Variants in IFNL1 observed in about 807,000 individuals in gnomAD.
IFNL1 encodes interferon lambda-1.
Under a neutral mutation model 17.1 loss-of-function variants are expected in IFNL1, and 16 were observed. That is an observed-to-expected ratio of 0.93 (90% CI 0.63 to 1.42). The LOEUF is 1.42. IFNL1 is among the 40% of genes most tolerant of loss of function. The pLI, the probability that IFNL1 is intolerant of heterozygous loss-of-function variation, is 0.00. For synonymous variants in IFNL1, 104 were observed against 111.4 expected (o/e 0.93, Z 0.42); for missense variants, 262 against 249.4 (o/e 1.05, Z -0.34).
At position 39,298,389 on chromosome 19, in the gene IFNL1, A is replaced by G. The variant is rs958797421; in HGVS notation, c.478-2A>G. ...CCTGACCCATCCCCTCCTCCCCTACAGGAGTCCGCTGGCTGCCTGGAGGCA... is the reference window on the plus strand; with the variant it reads ...CCTGACCCATCCCCTCCTCCCCTACGGGAGTCCGCTGGCTGCCTGGAGGCA... On this transcript the variant is annotated splice_acceptor_variant, in intron 4 of 4. Transcript: ENST00000333625. LOFTEE classifies it high-confidence loss of function. 1 of 1,614,056 alleles carries G rather than the reference A, an allele frequency of 6.2e-7. No homozygotes were observed. The highest frequency in any genetic ancestry group is 1.3e-5 in the African/African-American group (1 of 74,930).
intron 2 of IFNL1, among the ~76,000 whole-genome samples, chr19:39,297,562 C>T (rs1161141250): frequency 6.6e-6 from 1 of 151,966 alleles, no homozygotes; most frequent in Non-Finnish European, 1.5e-5. Context: ...TCAGGTGATC[C>T]ACCCGCCTCG....
chr19:39,298,292 A>G lies in IFNL1; in HGVS notation c.473A>G (p.Lys158Arg), dbSNP rs2075106884. 6.2e-7 allele frequency: 1 copy of G among 1,613,952 alleles called. No homozygotes were observed. The highest frequency in any genetic ancestry group is 1.7e-5 in the Admixed American group (1 of 60,008). The change falls in exon 4 of 5, where the codon AAA becomes AGA. Residue 158 changes from lysine (K) to arginine (R), a missense_variant. Coordinates refer to ENST00000333625, the MANE Select transcript of IFNL1 (RefSeq NM_172140.2). Reference protein sequence around the residue: ...HWLHRLQEAPKKESAGCLEAS... With the variant: ...HWLHRLQEAPRKESAGCLEAS... ...CTGCACCGGCTCCAGGAGGCCCCCA[A>G]AAAGGTGAGTGACCCAGGAAGAGAA... is the stretch of plus-strand genomic sequence containing the variant.
chr19:39,296,532 C>T lies in IFNL1; in HGVS notation c.111C>T (p.Gly37=), dbSNP rs756396640. The change falls in exon 1 of 5, where the codon GGC becomes GGT. Residue 37 remains glycine, a synonymous_variant. Transcript: ENST00000333625. The stretch of plus-strand genomic sequence containing the variant: ...CAACTGGGAAGGGCTGCCACATTGG[C>T]AGGTTCAAATCTCTGTCACCACAGG... ...PTTTGKGCHI[G]RFKSLSPQEL... 6.2e-7 allele frequency: 1 copy of T among 1,613,920 alleles called. No individual in the cohort carries two copies. The highest frequency in any genetic ancestry group is 8.5e-7 in the Non-Finnish European group (1 of 1,180,004).
At position 39,298,203 on chromosome 19, in the gene IFNL1, CT is replaced by C. The variant is rs2075106321; in HGVS notation, c.394-9del. 1 of 1,613,918 alleles carries C rather than the reference CT, an allele frequency of 6.2e-7. No homozygotes were observed. Among genetic ancestry groups the C allele is most frequent in the African/African-American group, 1.3e-5 (1 of 74,950 alleles). On this transcript the variant is annotated splice_polypyrimidine_tract_variant and intron_variant, in intron 3 of 4. Coordinates refer to ENST00000333625, the MANE Select transcript of IFNL1 (RefSeq NM_172140.2). ...GCTCCGCCTCACACACCGCCCTCTT[CT>C]GCCCACAGATCCAGCCTCAGCCCAC...
At position 39,298,273 on chromosome 19, in the gene IFNL1, C is replaced by T. The variant is rs147395671; in HGVS notation, c.454C>T (p.Arg152Trp). 5.5e-4 allele frequency: 890 copies of T among 1,614,144 alleles called. No homozygotes were observed. The highest frequency in any genetic ancestry group is 6.9e-4 in the Non-Finnish European group (809 of 1,180,004). Reference protein sequence around the residue: ...PRGRLHHWLHRLQEAPKKESA... With the variant: ...PRGRLHHWLHWLQEAPKKESA... ...GGGCCGCCTCCACCACTGGCTGCAC[C>T]GGCTCCAGGAGGCCCCCAAAAAGGT... Residue 152 changes from arginine (R) to tryptophan (W), a missense_variant, in exon 4 of 5, where the codon CGG (arginine) becomes TGG (tryptophan). By Grantham distance (101) the Arg-to-Trp change is moderately radical. Coordinates refer to ENST00000333625, the MANE Select transcript of IFNL1 (RefSeq NM_172140.2).
In IFNL1 at chr19:39,298,654, T is replaced by G; in HGVS notation, c.*138T>G. 9.2e-7 allele frequency: 1 copy of G among 1,085,090 alleles called. No individual in the cohort carries two copies. Among genetic ancestry groups the G allele is most frequent in the South Asian group, 1.5e-5 (1 of 66,984 alleles). The allele number at this position is 1,085,090 out of a possible 1,614,324, so 67.2% of individuals were successfully genotyped here. A position where few individuals can be genotyped will look rare whatever the true frequency, so the allele number is the denominator to read the frequency against. ...TTTACTTTTATACATTATGCACAAA[T>G]AAACAACAAGGAATTGGAACCTTCT... On this transcript the variant is annotated 3_prime_UTR_variant, in exon 5 of 5. Transcript: ENST00000333625.
At chr19:39,298,166 G>A (rs774892150) in intron 3 of IFNL1, 47 bp from the exon 4 acceptor site, 1 of 1,613,434 alleles carries the variant, frequency 6.2e-7, no homozygotes, top group East Asian at 2.2e-5. Context: ...TCCTTCCCCT[G>A]TGGTGGCCCA....
intron 4 of IFNL1, 32 bp from the exon 5 acceptor site, chr19:39,298,359 C>G (rs572711490): frequency 6.2e-7 from 1 of 1,613,984 alleles, no homozygotes; most frequent in Non-Finnish European, 8.5e-7. Flanking sequence ...AGACCCTGGA[C>G]AGCCCCTGAC....
At position 39,296,900 on chromosome 19, in the gene IFNL1, C is replaced by A. The variant is rs745697532; in HGVS notation, c.249+18C>A. Reference sequence around the variant, plus strand: ...TTCTCCAGGTGAGCTGAAAGTCAGGCCCCCTTCACCCTTCCCTTGACCCTC... The same window carrying A: ...TTCTCCAGGTGAGCTGAAAGTCAGGACCCCTTCACCCTTCCCTTGACCCTC... On this transcript the variant is annotated intron_variant, in intron 2 of 4. Coordinates refer to ENST00000333625, the MANE Select transcript of IFNL1 (RefSeq NM_172140.2). 6 of 1,581,932 alleles carry A rather than the reference C, an allele frequency of 3.8e-6. No homozygotes were observed. Among genetic ancestry groups the A allele is most frequent in the East Asian group, 2.2e-5 (1 of 44,662 alleles).
chr19:39,297,839 G>A, intron 2 of IFNL1, 125 bp from the exon 3 acceptor site: 1 of 1,193,666 alleles, frequency 8.4e-7, no homozygotes, highest in Admixed American at 2.0e-5. Context: ...CTTCTCCCCA[G>A]ACCCCTCACC....
chr19:39,296,530 G>A lies in IFNL1; in HGVS notation c.109G>A (p.Gly37Ser). The change falls in exon 1 of 5, where the codon GGC (glycine) becomes AGC (serine). Residue 37 changes from glycine to serine, a missense_variant. Transcript: ENST00000333625. ...CACAACTGGGAAGGGCTGCCACATTGGCAGGTTCAAATCTCTGTCACCACA... is the reference window on the plus strand; with the variant it reads ...CACAACTGGGAAGGGCTGCCACATTAGCAGGTTCAAATCTCTGTCACCACA... The part of the protein sequence containing the change: ...PTTTGKGCHI[G>S]RFKSLSPQEL... 1 of 1,613,882 alleles carries A rather than the reference G, an allele frequency of 6.2e-7. No individual in the cohort carries two copies. Among genetic ancestry groups the A allele is most frequent in the Non-Finnish European group, 8.5e-7 (1 of 1,180,000 alleles).
In IFNL1 at chr19:39,298,446, C is replaced by T. The variant is rs369965543; in HGVS notation, c.533C>T (p.Thr178Met). ...ACCTTCAACCTCTTCCGCCTCCTCACGCGAGACCTCAAATATGTGGCCGAT... is the reference window on the plus strand; with the variant it reads ...ACCTTCAACCTCTTCCGCCTCCTCATGCGAGACCTCAAATATGTGGCCGAT... ...SVTFNLFRLLTRDLKYVADGN... is the reference protein window; with the variant it reads ...SVTFNLFRLLMRDLKYVADGN... The change falls in exon 5 of 5, where the codon ACG becomes ATG. Residue 178 changes from threonine to methionine, a missense_variant. Coordinates refer to ENST00000333625, the MANE Select transcript of IFNL1 (RefSeq NM_172140.2). 5.6e-6 allele frequency: 9 copies of T among 1,614,228 alleles called. No homozygotes were observed. Among genetic ancestry groups the T allele is most frequent in the African/African-American group, 1.3e-5 (1 of 75,054 alleles).
chr19:39,297,531 CT>C (rs1245796314), intron 2 of IFNL1, among the ~76,000 whole-genome samples: 7 of 151,876 alleles, frequency 4.6e-5, no homozygotes, highest in Admixed American at 3.3e-4. Context: ...GTTGGCCAGG[CT>C]TGGTCTCGAA....
Position 39,298,036 on chromosome 19 carries a change from C to T in IFNL1, c.322C>T (p.Pro108Ser), listed in dbSNP as rs137882937. Residue 108 changes from proline (P) to serine (S), a missense_variant, in exon 3 of 5, where the codon CCA becomes TCA. By Grantham distance (74) the Pro-to-Ser change is moderately conservative. Transcript: ENST00000333625. ...TLKVLEAAAG[P>S]ALEDVLDQPL... ...GAAGGTCCTGGAGGCCGCTGCTGGC[C>T]CAGCCCTGGAGGACGTCCTAGACCA... The T allele has an allele frequency of 3.3e-5, 54 of 1,614,196 alleles. No homozygotes were observed. In the African/African-American group the frequency reaches 6.5e-4, roughly 20 times the overall value.
In IFNL1 at chr19:39,298,003, C is replaced by G; in HGVS notation, c.289C>G (p.Leu97Val). ...RPVALEAELA[L>V]TLKVLEAAAG... ...TGTGGCCTTGGAGGCTGAGCTGGCC[C>G]TGACGCTGAAGGTCCTGGAGGCCGC... Residue 97 changes from leucine (L) to valine (V), a missense_variant, in exon 3 of 5, where the codon CTG becomes GTG. Coordinates refer to ENST00000333625, the MANE Select transcript of IFNL1 (RefSeq NM_172140.2). 1 of 1,614,204 alleles carries G rather than the reference C, an allele frequency of 6.2e-7. No individual in the cohort carries two copies. Among genetic ancestry groups the G allele is most frequent in the Non-Finnish European group, 8.5e-7 (1 of 1,180,036 alleles).
chr19:39,297,456 T>C (rs1288623517), intron 2 of IFNL1, among the ~76,000 whole-genome samples: 1 of 151,870 alleles, frequency 6.6e-6, no homozygotes, highest in East Asian at 1.9e-4. Flanking sequence ...GTAGCTGGGA[T>C]TACAGGCATG....
In IFNL1 at chr19:39,298,194, C is replaced by T. The variant is rs764995201; in HGVS notation, c.394-19C>T. The T allele has an allele frequency of 8.1e-6, 13 of 1,613,762 alleles. No homozygotes were observed. Among genetic ancestry groups the T allele is most frequent in the Middle Eastern group, 1.7e-4 (1 of 6,060 alleles). On this transcript the variant is annotated intron_variant, in intron 3 of 4. Coordinates refer to ENST00000333625, the MANE Select transcript of IFNL1 (RefSeq NM_172140.2). Reference sequence around the variant, plus strand: ...GTGGCCCAGGCTCCGCCTCACACACCGCCCTCTTCTGCCCACAGATCCAGC... The same window carrying T: ...GTGGCCCAGGCTCCGCCTCACACACTGCCCTCTTCTGCCCACAGATCCAGC...
At position 39,296,796 on chromosome 19, in the gene IFNL1, G is replaced by C; in HGVS notation, c.172-9G>C. ...CTGCTGTGGGCTAACCCCTGCCCTT[G>C]CTCTCTAGGAAGAGTCACTCAAGCT... On this transcript the variant is annotated splice_polypyrimidine_tract_variant and intron_variant, in intron 1 of 4. Coordinates refer to ENST00000333625, the MANE Select transcript of IFNL1 (RefSeq NM_172140.2). 3.1e-6 allele frequency: 5 copies of C among 1,612,878 alleles called. No individual in the cohort carries two copies. Among genetic ancestry groups the C allele is most frequent in the Non-Finnish European group, 4.2e-6 (5 of 1,178,958 alleles).
Position 39,298,121 on chromosome 19 carries a change from G to C in IFNL1, c.393+14G>C, listed in dbSNP as rs766334865. On this transcript the variant is annotated intron_variant, in intron 3 of 4. Transcript: ENST00000333625. ...CTCCAGGCCTGTGTGAGTCCTTGGG[G>C]CCCGGGCACCCAGGTCTGTGGGCTC... 3 of 1,612,650 alleles carry C rather than the reference G, an allele frequency of 1.9e-6. No individual in the cohort carries two copies. In the South Asian group the frequency reaches 3.3e-5, roughly 18 times the overall value.
Sources: gnomAD v4.1 joint callset for allele counts (sites outside exome capture counted in the v4.1 genomes callset) on GRCh38, gnomAD v4.1.1 for gene constraint, MANE v1.5 for transcripts, NCBI Gene and HGNC (gene_info 2026-07-23, HGNC 2026-07-21) for gene names.